Variants in MYO9B observed in about 807,000 individuals in gnomAD.
MYO9B encodes the protein myosin IXB, also known as unconventional myosin-IXb.
Under a neutral mutation model 229.5 loss-of-function variants are expected in MYO9B, and 71 were observed. The ratio of observed to expected loss-of-function variants is 0.31; its 90% CI spans 0.26 to 0.38. MYO9B has a LOEUF of 0.38. Among genes scored for constraint, MYO9B ranks in the 10% least tolerant of loss-of-function variants. The pLI is 1.00. For missense variants in MYO9B, 2,255 were observed against 2,920.5 expected, an observed-to-expected ratio of 0.77 and a Z score of 5.25; for synonymous variants, 1,185 against 1,235.8, an observed-to-expected ratio of 0.96 and a Z score of 0.86.
chr19:17,202,808 G>GCC (rs1568300840), intron 28 of MYO9B, 34 bp from the exon 29 acceptor site: 2 of 1,566,104 alleles, frequency 1.3e-6, no homozygotes, highest in Non-Finnish European at 1.7e-6. Flanking sequence ...TCCCAGGGGG[G>GCC]CCCCCGCCAA....
rs374279682 is a variant in MYO9B, at chr19:17,101,891, C to T, written c.174C>T (p.Asp58=). The change falls in exon 2 of 40, where the codon GAC becomes GAT. Residue 58 remains aspartate, a synonymous_variant. Transcript: ENST00000682292. This position sits in a 1 kb window ranked among gnomAD's most constrained non-coding sequence, Gnocchi z 4.7. ...ACGCCATTGCCAGCCTGCGGCTGGA[C>T]GGCACCAAATGTTATGTGCTGGTGG... is the stretch of plus-strand genomic sequence containing the variant. ...IKDAIASLRL[D]GTKCYVLVEV... 4.0e-5 allele frequency: 65 copies of T among 1,613,240 alleles called. No homozygotes were observed. Among genetic ancestry groups the T allele is most frequent in the Non-Finnish European group, 5.2e-5 (61 of 1,179,830 alleles).
chr19:17,079,722 C>T (rs1006328793), intron 1 of MYO9B, among the ~76,000 whole-genome samples: 23 of 152,178 alleles, frequency 1.5e-4, no homozygotes, highest in Non-Finnish European at 3.4e-4. Flanking sequence ...ACGGGACTGA[C>T]GGTCCCTTCT....
chr19:17,137,442 TGTG>T (rs980757889), intron 2 of MYO9B, among the ~76,000 whole-genome samples: 1 of 152,074 alleles, frequency 6.6e-6, no homozygotes, highest in African/African-American at 2.4e-5. Flanking sequence ...GCAAGGCTCA[TGTG>T]GTGACCCAGT....
intron 14 of MYO9B, among the ~76,000 whole-genome samples, chr19:17,178,966 G>C (rs555576229): frequency 6.1e-5 from 9 of 148,700 alleles, no homozygotes; most frequent in Non-Finnish European, 1.2e-4. Flanking sequence ...GGGAGGCGGG[G>C]TTTGCAGTGA....
chr19:17,144,969 CAAAAAAAAAAAAA>C (rs58527501), intron 2 of MYO9B, among the ~76,000 whole-genome samples: 1 of 83,552 alleles, frequency 1.2e-5, no homozygotes, highest in South Asian at 5.1e-4. Context: ...GACTTCATCT[CAAAAAAAAAAAAA>C]AAAAAAAAAG....
chr19:17,190,789 G>A (rs990427025), intron 19 of MYO9B, among the ~76,000 whole-genome samples: 2 of 151,992 alleles, frequency 1.3e-5, no homozygotes, highest in African/African-American at 2.4e-5. Context: ...CTCCCAAGTA[G>A]CTGGGACTAC....
chr19:17,130,856 T>C (rs564649024), intron 2 of MYO9B, among the ~76,000 whole-genome samples: 1 of 152,232 alleles, frequency 6.6e-6, no homozygotes, highest in East Asian at 1.9e-4. Flanking sequence ...TCTGTTTGAC[T>C]GAACATTAGA....
At chr19:17,204,384 C>A (rs1271312154) in intron 30 of MYO9B, among the ~76,000 whole-genome samples, 1 of 149,156 alleles carries the variant, frequency 6.7e-6, no homozygotes, top group Non-Finnish European at 1.5e-5. Context: ...AGTAGGTGGC[C>A]TTGGGGACTT....
chr19:17,187,095 A>G (rs11086055), intron 18 of MYO9B, among the ~76,000 whole-genome samples: 12,842 of 152,096 alleles, frequency 0.084, 1,140 homozygotes, highest in African/African-American at 0.22. Flanking sequence ...CCAGACCCCT[A>G]AGCTCCAGGC....
intron 1 of MYO9B, among the ~76,000 whole-genome samples, chr19:17,092,753 C>T (rs1006111927): frequency 1.4e-5 from 2 of 147,532 alleles, no homozygotes; most frequent in Non-Finnish European, 3.0e-5. Context: ...AGCGCTTGCA[C>T]ATATGTTTTT....
rs552538787 is a variant in MYO9B, at chr19:17,203,032, C to T, written c.4879-115C>T. ...GAGTGTGTTTTTCCCCCGGCATATA[C>T]GGAGCCGTAGTCTTGAATAAGTCAC... On this transcript the variant is annotated intron_variant, in intron 29 of 39. Transcript: ENST00000682292. 57 of 1,354,896 alleles carry T rather than the reference C, an allele frequency of 4.2e-5. No homozygotes were observed. In the South Asian group the frequency reaches 5.7e-4, roughly 14 times the overall value. 83.9% of individuals were successfully genotyped at this position (1,354,896 alleles called of 1,614,324 possible).
At chr19:17,143,337 T>C (rs2072365773) in intron 2 of MYO9B, among the ~76,000 whole-genome samples, 1 of 152,166 alleles carries the variant, frequency 6.6e-6, no homozygotes, top group Admixed American at 6.5e-5. Flanking sequence ...CTCTGTATTT[T>C]TCAGGTCTTA....
chr19:17,200,646 C>T lies in MYO9B; in HGVS notation c.4380C>T (p.Ser1460=), dbSNP rs370355693. 3.2e-5 allele frequency: 52 copies of T among 1,612,562 alleles called. No homozygotes were observed. The highest frequency in any genetic ancestry group is 1.7e-4 in the Middle Eastern group (1 of 6,056). Residue 1460 remains serine, a synonymous_variant, in exon 26 of 40, where the codon TCC becomes TCT. Transcript: ENST00000682292. The part of the protein sequence containing the change: ...TTMKKGLEAP[S]GQQHRHAAGE... Reference sequence around the variant, plus strand: ...CTTCCTGTCCCCCCTCAGCCCCCTCCGGACAGCAGCATCGCCACGCTGCAG... The same window carrying T: ...CTTCCTGTCCCCCCTCAGCCCCCTCTGGACAGCAGCATCGCCACGCTGCAG...
intron 19 of MYO9B, among the ~76,000 whole-genome samples, chr19:17,190,136 T>G (rs952751591): frequency 6.6e-6 from 1 of 151,616 alleles, no homozygotes; most frequent in Non-Finnish European, 1.5e-5. Flanking sequence ...CCTAGCACTT[T>G]GGGTCACGTG....
rs1007315440 is a variant in MYO9B, at chr19:17,136,243, G to A, written c.841-9154G>A. On this transcript the variant is annotated intron_variant, in intron 2 of 39. Transcript: ENST00000682292. ...GGAGGAGGGCCTAGGCCCAGGCACC[G>A]GGCCCCAGGCTGAAGCTGATTTCCT... Among the ~76,000 whole-genome samples, 3 of 152,268 alleles carry A rather than the reference G, an allele frequency of 2.0e-5. 1 individual carries two copies. Among genetic ancestry groups the A allele is most frequent in the South Asian group, 4.1e-4 (2 of 4,822 alleles).
intron 1 of MYO9B, among the ~76,000 whole-genome samples, chr19:17,100,855 G>A (rs983027412): frequency 1.3e-5 from 2 of 151,934 alleles, no homozygotes; most frequent in East Asian, 1.9e-4. Flanking sequence ...GGGTTTCAAG[G>A]ACCCTGGAGT....
chr19:17,185,317 T>G (rs1599403898), intron 17 of MYO9B, among the ~76,000 whole-genome samples: 1 of 143,240 alleles, frequency 7.0e-6, no homozygotes, highest in Admixed American at 7.1e-5. Flanking sequence ...GAGCTTGCAG[T>G]GAGCCGAGAT....
At position 17,206,672 on chromosome 19, in the gene MYO9B, C is replaced by G. The variant is rs1444441526; in HGVS notation, c.5387-7C>G. ...GAGCTGACGTCCTCAAACCCCACTGCCTGCAGAGCTGCCGGAGAAGCAGGA... is the reference window on the plus strand; with the variant it reads ...GAGCTGACGTCCTCAAACCCCACTGGCTGCAGAGCTGCCGGAGAAGCAGGA... On this transcript the variant is annotated splice_region_variant and splice_polypyrimidine_tract_variant and intron_variant, in intron 33 of 39. Coordinates refer to ENST00000682292, the MANE Select transcript of MYO9B (RefSeq NM_004145.4). 7 of 1,563,516 alleles carry G rather than the reference C, an allele frequency of 4.5e-6. No individual in the cohort carries two copies. In the South Asian group the frequency reaches 8.3e-5, roughly 18 times the overall value.
rs1568297811 is a variant in MYO9B at position 17,197,428 on chromosome 19, A to ATAGG, written c.4047-361_4047-360insGTAG. On this transcript the variant is annotated intron_variant, in intron 22 of 39. Transcript: ENST00000682292. ...AGATGATAGATAGATAGATAGATAG[A>ATAGG]TAGATAGATAGATAGATAGATACAT... 2.8e-3 allele frequency among the ~76,000 whole-genome samples: 135 copies of ATAGG among 48,060 alleles called. 1 individual carries two copies. Among genetic ancestry groups the ATAGG allele is most frequent in the African/African-American group, 0.013 (124 of 9,246 alleles). 31.5% of individuals were successfully genotyped at this position (48,060 alleles called of 152,430 possible). A position where few individuals can be genotyped will look rare whatever the true frequency, so the allele number is the denominator to read the frequency against.
Sources: gnomAD v4.1 joint callset for allele counts (sites outside exome capture counted in the v4.1 genomes callset) on GRCh38, gnomAD v4.1.1 for gene constraint, Gnocchi (gnomAD v3.1) non-coding constraint, MANE v1.5 for transcripts, NCBI Gene and HGNC (gene_info 2026-07-23, HGNC 2026-07-21) for gene names.